Variants in ENDOD1 observed in about 807,000 individuals in gnomAD.
The protein encoded by ENDOD1 is endonuclease domain-containing 1 protein.
ENDOD1 carries 9 observed loss-of-function variants against 6.5 expected under a neutral mutation model. The ratio of observed to expected loss-of-function variants is 1.39; its 90% CI spans 0.84 to 2.43. The LOEUF is 2.43. Ranked by LOEUF, ENDOD1 falls within the 30% of genes most tolerant of loss-of-function variation. The pLI is 0.00. For missense variants in ENDOD1, 648 were observed against 635.5 expected (o/e 1.02, Z -0.21); for synonymous variants, 255 against 255.2 (o/e 1.00, Z 0.01).
intron 1 of ENDOD1, among the ~76,000 whole-genome samples, chr11:95,092,687 G>A (rs1397923670): frequency 6.6e-6 from 1 of 152,142 alleles, no homozygotes; most frequent in Non-Finnish European, 1.5e-5. Context: ...CCAGGATCCA[G>A]AGAGTATTGG....
intron 1 of ENDOD1, among the ~76,000 whole-genome samples, chr11:95,109,716 GCCTGCT>G (rs1428244226): frequency 1.3e-5 from 2 of 152,244 alleles, no homozygotes; most frequent in Non-Finnish European, 2.9e-5. Flanking sequence ...GCCACACCTG[GCCTGCT>G]ACCTGCTGCC....
chr11:95,126,665 T>TAA (rs1249449482), intron 1 of ENDOD1, among the ~76,000 whole-genome samples: 1 of 152,318 alleles, frequency 6.6e-6, no homozygotes, highest in East Asian at 1.9e-4. Flanking sequence ...AACCCCTTTA[T>TAA]AATTCCAAGT....
Position 95,130,205 on chromosome 11 carries a change from T to C in ENDOD1, c.*626T>C, listed in dbSNP as rs546456311. Reference sequence around the variant, plus strand: ...ATTTTCCTCCAAAGTTGAATTTTGCTACATTTTTCTTTTAGGTAATGATAA... The same window carrying C: ...ATTTTCCTCCAAAGTTGAATTTTGCCACATTTTTCTTTTAGGTAATGATAA... On this transcript the variant is annotated 3_prime_UTR_variant, in exon 2 of 2. Coordinates refer to ENST00000278505, the MANE Select transcript of ENDOD1 (RefSeq NM_015036.3). 6.6e-6 allele frequency: 1 copy of C among 152,370 alleles called. No individual in the cohort carries two copies. Among genetic ancestry groups the C allele is most frequent in the East Asian group, 1.9e-4 (1 of 5,192 alleles). The allele number at this position is 152,370 out of a possible 1,614,324, so 9.4% of individuals were successfully genotyped here.
At chr11:95,103,549 C>T (rs782137867) in intron 1 of ENDOD1, among the ~76,000 whole-genome samples, 21 of 152,188 alleles carry the variant, frequency 1.4e-4, no homozygotes, top group African/African-American at 1.9e-4. Context: ...ATTACTTAAT[C>T]GGAAAGGCAG....
intron 1 of ENDOD1, among the ~76,000 whole-genome samples, chr11:95,116,018 G>A (rs940363307): frequency 2.0e-5 from 3 of 152,064 alleles, no homozygotes; most frequent in Non-Finnish European, 1.5e-5. Flanking sequence ...GTGTTTGGAT[G>A]TATTCTCTTC....
At chr11:95,101,934 AT>A (rs146941234) in intron 1 of ENDOD1, among the ~76,000 whole-genome samples, 8,929 of 152,002 alleles carry the variant, frequency 0.059, 360 homozygotes, top group South Asian at 0.14. Flanking sequence ...TTTTTCTTTA[AT>A]TTTTTTTCTT....
At chr11:95,119,821 C>G (rs978364582) in intron 1 of ENDOD1, among the ~76,000 whole-genome samples, 14 of 152,222 alleles carry the variant, frequency 9.2e-5, no homozygotes, top group African/African-American at 3.1e-4. Flanking sequence ...GAGTCAAAAG[C>G]CTTAGAAGTC....
chr11:95,128,318 T>C (rs1859331119), intron 1 of ENDOD1, 59 bp from the exon 2 acceptor site: 1 of 1,560,462 alleles, frequency 6.4e-7, no homozygotes, highest in Non-Finnish European at 8.7e-7. Context: ...AGGATGATTC[T>C]AGTGCTGCCT....
chr11:95,118,869 T>A, intron 1 of ENDOD1, among the ~76,000 whole-genome samples: 1 of 152,210 alleles, frequency 6.6e-6, no homozygotes, highest in East Asian at 1.9e-4. Context: ...CTTTTGTCTC[T>A]TGTTACTATG....
intron 1 of ENDOD1, among the ~76,000 whole-genome samples, chr11:95,110,107 T>A (rs1555111755): frequency 1.3e-5 from 2 of 152,212 alleles, no homozygotes; most frequent in African/African-American, 4.8e-5. Context: ...TTCTGTAAAT[T>A]CCCTGGCATG....
intron 1 of ENDOD1, among the ~76,000 whole-genome samples, chr11:95,112,272 G>A (rs1459238822): frequency 1.3e-5 from 2 of 152,204 alleles, no homozygotes; most frequent in Non-Finnish European, 2.9e-5. Context: ...CACAGTGTCT[G>A]CTCTGTGGCT....
At position 95,129,872 on chromosome 11, in the gene ENDOD1, G is replaced by A. The variant is rs1859354140; in HGVS notation, c.*293G>A. 4.0e-6 allele frequency: 1 copy of A among 248,154 alleles called. No individual in the cohort carries two copies. The highest frequency in any genetic ancestry group is 4.9e-5 in the Admixed American group (1 of 20,208). 15.4% of individuals were successfully genotyped at this position (248,154 alleles called of 1,614,324 possible). ...ACAGACGACCACCTGAAATGCACTG[G>A]TATTTATTTCTGATAATTAAAAATT... is the stretch of plus-strand genomic sequence containing the variant. On this transcript the variant is annotated 3_prime_UTR_variant, in exon 2 of 2. Coordinates refer to ENST00000278505, the MANE Select transcript of ENDOD1 (RefSeq NM_015036.3).
chr11:95,112,347 A>G (rs1555112019), intron 1 of ENDOD1, among the ~76,000 whole-genome samples: 1 of 152,124 alleles, frequency 6.6e-6, no homozygotes, highest in Admixed American at 6.5e-5. Flanking sequence ...GAGCTTTGAA[A>G]TCAGAGAAGC....
At chr11:95,127,866 T>A (rs751497740) in intron 1 of ENDOD1, among the ~76,000 whole-genome samples, 3 of 152,126 alleles carry the variant, frequency 2.0e-5, no homozygotes, top group Non-Finnish European at 4.4e-5. Flanking sequence ...TTCAAGTGAT[T>A]CTCCTGCCTC....
rs146484325 is a variant in ENDOD1, at chr11:95,109,044, C to T, written c.300+18817C>T. Reference sequence around the variant, plus strand: ...GGGTGTGTGCCTATATTGTAGTTCACACAGCAGAAATAAAATGGGAACACC... The same window carrying T: ...GGGTGTGTGCCTATATTGTAGTTCATACAGCAGAAATAAAATGGGAACACC... On this transcript the variant is annotated intron_variant, in intron 1 of 1. Coordinates refer to ENST00000278505, the MANE Select transcript of ENDOD1 (RefSeq NM_015036.3). 2.4e-4 allele frequency among the ~76,000 whole-genome samples: 37 copies of T among 152,300 alleles called. No homozygotes were observed. The East Asian group carries it at 6.9e-3, about 29-fold the overall frequency.
chr11:95,094,954 T>C (rs1461645497), intron 1 of ENDOD1, among the ~76,000 whole-genome samples: 9 of 152,256 alleles, frequency 5.9e-5, no homozygotes, highest in Non-Finnish European at 1.2e-4. Context: ...CATGAGAGCA[T>C]GTGGCATGGT....
rs571164593 is a variant in ENDOD1, at chr11:95,113,655, G to A, written c.301-14722G>A. 4.6e-5 allele frequency among the ~76,000 whole-genome samples: 7 copies of A among 152,236 alleles called. No homozygotes were observed. In the South Asian group the frequency reaches 1.5e-3, roughly 32 times the overall value. On this transcript the variant is annotated intron_variant, in intron 1 of 1. Transcript: ENST00000278505. ...CATTTTCTTTATTCATCTGTTGAAG[G>A]ACACTTAGGTTGTTTCAAAATCTTA... is the stretch of plus-strand genomic sequence containing the variant.
rs909608663 is a variant in ENDOD1 at position 95,119,330 on chromosome 11, G to T, written c.301-9047G>T. On this transcript the variant is annotated intron_variant, in intron 1 of 1. Transcript: ENST00000278505. ...TTCTTGGAAGGCTTTCCAGAGATAT[G>T]AAAGGACTTGGGTGTTGTGATCTAT... Among the ~76,000 whole-genome samples, 6 of 152,352 alleles carry T rather than the reference G, an allele frequency of 3.9e-5. No homozygotes were observed. The East Asian group carries it at 9.6e-4, about 25-fold the overall frequency.
In ENDOD1 at chr11:95,090,612, A is replaced by G. The variant is rs1192048922; in HGVS notation, c.300+385A>G. Among the ~76,000 whole-genome samples the G allele has an allele frequency of 8.5e-5, 13 of 152,336 alleles. No homozygotes were observed. In the East Asian group the frequency reaches 2.3e-3, roughly 27 times the overall value. On this transcript the variant is annotated intron_variant, in intron 1 of 1. Coordinates refer to ENST00000278505, the MANE Select transcript of ENDOD1 (RefSeq NM_015036.3). ...CGCAGAAAGCCTAGGCTGGGCGCTC[A>G]CAGGCCTTCGTGCAACTTATTGCCA...
Sources: allele counts gnomAD v4.1 joint callset (sites outside exome capture counted in the v4.1 genomes callset), GRCh38; gene constraint gnomAD v4.1.1; transcripts MANE v1.5; gene names NCBI Gene and HGNC (gene_info 2026-07-23, HGNC 2026-07-21).